KCNK4: variants seen among roughly 807,000 people sequenced by gnomAD.
The protein encoded by KCNK4 is potassium two pore domain channel subfamily K member 4.
In KCNK4, 22 loss-of-function variants were observed where a neutral mutation model predicts 28.8. That is an observed-to-expected ratio of 0.76 (90% CI 0.55 to 1.09). The LOEUF (loss-of-function observed/expected upper bound fraction) is 1.09. Ranked by LOEUF, KCNK4 falls within the 50% of genes least tolerant of loss-of-function variation. The probability of loss-of-function intolerance (pLI) is 0.00; values close to 1 mark genes in which losing one functional copy is unlikely to be tolerated. For missense variants in KCNK4, 483 were observed against 546.3 expected (o/e 0.88, Z 1.15); for synonymous variants, 263 against 252.9 (o/e 1.04, Z -0.38).
chr11:64,292,994 A>C lies in KCNK4; in HGVS notation c.-25A>C, dbSNP rs748161802. ...CCCGGCCCCTCCAGGCGGGCAGTGGAGCTGGCCCGGCGCCTGGGCGCGCCA... is the reference window on the plus strand; with the variant it reads ...CCCGGCCCCTCCAGGCGGGCAGTGGCGCTGGCCCGGCGCCTGGGCGCGCCA... On this transcript the variant is annotated 5_prime_UTR_variant, in exon 2 of 7. Coordinates refer to ENST00000422670, the MANE Select transcript of KCNK4 (RefSeq NM_033310.3). The C allele has an allele frequency of 6.6e-5, 101 of 1,528,092 alleles. No homozygotes were observed. In the African/African-American group the frequency reaches 1.2e-3, roughly 18 times the overall value. The allele number at this position is 1,528,092 out of a possible 1,614,324, so 94.7% of individuals were successfully genotyped here.
chr11:64,293,355 C>T, intron 2 of KCNK4, 148 bp downstream of exon 2: 1 of 890,172 alleles, frequency 1.1e-6, no homozygotes, highest in Non-Finnish European at 1.5e-6. Context: ...AGGCTGGGGA[C>T]CAGGTCTCTG....
intron 2 of KCNK4, 27 bp downstream of exon 2, chr11:64,293,234 A>G: frequency 2.8e-6 from 4 of 1,422,824 alleles, no homozygotes; most frequent in Non-Finnish European, 3.7e-6. Flanking sequence ...CAGCCCCTTC[A>G]GCTGTCACCC....
At position 64,296,508 on chromosome 11, in the gene KCNK4, G is replaced by C. The variant is rs114364980; in HGVS notation, c.190-370G>C. On this transcript the variant is annotated intron_variant, in intron 2 of 6. Coordinates refer to ENST00000422670, the MANE Select transcript of KCNK4 (RefSeq NM_033310.3). ...GATGCTGTCACTATCCTTCCCACTTGAGACATGCAGAAGCTGAGGCCAGAG... is the reference window on the plus strand; with the variant it reads ...GATGCTGTCACTATCCTTCCCACTTCAGACATGCAGAAGCTGAGGCCAGAG... Among the ~76,000 whole-genome samples the C allele has an allele frequency of 6.4e-3, 981 of 152,184 alleles. 10 individuals carry two copies. The highest frequency in any genetic ancestry group is 0.022 in the African/African-American group (933 of 41,516).
rs186998576 is a variant in KCNK4 at position 64,293,800 on chromosome 11, C to T, written c.189+593C>T. ...GTTTTTAGTAGAGATGGGGTTTCAC[C>T]ATGTTGGCCAGGCTGGTCTCAAACT... On this transcript the variant is annotated intron_variant, in intron 2 of 6. Transcript: ENST00000422670. Among the ~76,000 whole-genome samples, 1,479 of 152,152 alleles carry T rather than the reference C, an allele frequency of 9.7e-3. 11 individuals carry two copies. Among genetic ancestry groups the T allele is most frequent in the Non-Finnish European group, 0.014 (932 of 68,002 alleles).
Position 64,299,414 on chromosome 11 carries a change from CG to C in KCNK4, c.873del (p.Ala293ProfsTer125). ...TGACAGCGCGCGTGACCCAGCGAGC[CG>C]GGCCCGCCGCCCCGCCGCCGGAGAA... ...TVTARVTQRA[G>X]PAAPPPEKEQ... On this transcript the variant is annotated frameshift_variant, in exon 7 of 7. Coordinates refer to ENST00000422670, the MANE Select transcript of KCNK4 (RefSeq NM_033310.3). LOFTEE classifies it low-confidence loss of function (END_TRUNC). 6.3e-7 allele frequency: 1 copy of C among 1,574,896 alleles called. No individual in the cohort carries two copies. The highest frequency in any genetic ancestry group is 8.6e-7 in the Non-Finnish European group (1 of 1,163,190).
intron 2 of KCNK4, chr11:64,296,198 G>A (rs2034760630): frequency 1.3e-5 from 2 of 152,056 alleles, no homozygotes; most frequent in Non-Finnish European, 2.9e-5. Flanking sequence ...GCAGCACAGG[G>A]TTTGGCTTGG....
intron 6 of KCNK4, 99 bp from the exon 7 acceptor site, chr11:64,299,247 G>A: frequency 1.8e-6 from 2 of 1,137,044 alleles, no homozygotes; most frequent in Admixed American, 6.8e-5. Flanking sequence ...CAGAAAAGAG[G>A]GTTGGGGTTT....
intron 3 of KCNK4, 33 bp downstream of exon 3, chr11:64,297,034 A>G (rs775261511): frequency 7.0e-6 from 11 of 1,581,668 alleles, no homozygotes; most frequent in Non-Finnish European, 4.3e-6. Flanking sequence ...GGGGGGCGGC[A>G]AGGAGCTTCC....
In KCNK4 at chr11:64,299,577, G is replaced by A; in HGVS notation, c.1033G>A (p.Ala345Thr). 6.2e-7 allele frequency: 1 copy of A among 1,610,590 alleles called. No individual in the cohort carries two copies. Among genetic ancestry groups the A allele is most frequent in the Non-Finnish European group, 8.5e-7 (1 of 1,179,058 alleles). The change falls in exon 7 of 7, where the codon GCC (alanine) becomes ACC (threonine). Residue 345 changes from alanine (A) to threonine (T), a missense_variant. Physicochemically the swap from Ala to Thr is moderately conservative, Grantham distance 58 (BLOSUM62 0). Coordinates refer to ENST00000422670, the MANE Select transcript of KCNK4 (RefSeq NM_033310.3). The part of the protein sequence containing the change: ...SALDYPSENL[A>T]FIDESSDTQS... ...CCTGGATTATCCCAGCGAGAACCTGGCCTTCATCGACGAGTCCTCGGATAC... is the reference window on the plus strand; with the variant it reads ...CCTGGATTATCCCAGCGAGAACCTGACCTTCATCGACGAGTCCTCGGATAC...
intron 3 of KCNK4, 24 bp downstream of exon 3, chr11:64,297,025 G>C: frequency 6.3e-7 from 1 of 1,575,532 alleles, no homozygotes; most frequent in Non-Finnish European, 8.6e-7. Context: ...TTGGCATGTG[G>C]GGGGCGGCAA....
chr11:64,299,254 G>A (rs1002963449), intron 6 of KCNK4, 92 bp from the exon 7 acceptor site: 11 of 1,219,126 alleles, frequency 9.0e-6, no homozygotes, highest in South Asian at 8.4e-5. Context: ...GAGGGTTGGG[G>A]TTTGATCCCT....
intron 5 of KCNK4, 151 bp from the exon 6 acceptor site, chr11:64,297,959 A>C: frequency 1.0e-6 from 1 of 960,402 alleles, no homozygotes; most frequent in South Asian, 1.7e-5. Flanking sequence ...CACACCACTC[A>C]TTTTCCTGCC....
rs745387431 is a variant in KCNK4, at chr11:64,297,467, A to G, written c.475A>G (p.Lys159Glu). The G allele has an allele frequency of 1.2e-6, 2 of 1,614,006 alleles. No homozygotes were observed. The highest frequency in any genetic ancestry group is 1.7e-5 in the Admixed American group (1 of 60,006). ...TCCTGCCTACTGCCCCATCCCGCAG[A>G]AGTGGCACGTGCCACCGGAGCTAGT... is the stretch of plus-strand genomic sequence containing the variant. ...GIGHIEAIFL[K>E]WHVPPELVRV... is the part of the protein sequence containing the mutation. Residue 159 changes from lysine to glutamate, a missense_variant and splice_region_variant, in exon 5 of 7, where the codon AAG becomes GAG. Coordinates refer to ENST00000422670, the MANE Select transcript of KCNK4 (RefSeq NM_033310.3).
intron 2 of KCNK4, among the ~76,000 whole-genome samples, chr11:64,295,860 T>C (rs2034752720): frequency 6.6e-6 from 1 of 152,060 alleles, no homozygotes; most frequent in African/African-American, 2.4e-5. Flanking sequence ...TGCTTTATGA[T>C]ACGCCCCACA....
At chr11:64,299,044 A>AAAG in intron 6 of KCNK4, among the ~76,000 whole-genome samples, 2 of 129,288 alleles carry the variant, frequency 1.5e-5, no homozygotes, top group Non-Finnish European at 1.6e-5. Flanking sequence ...TGTCTCAAAA[A>AAAG]AAGAAGAAAA....
intron 2 of KCNK4, among the ~76,000 whole-genome samples, chr11:64,295,758 G>C (rs1002571486): frequency 1.3e-5 from 2 of 152,068 alleles, no homozygotes; most frequent in African/African-American, 4.8e-5. Context: ...TGCAAGGAGT[G>C]GGGAGCCATG....
intron 1 of KCNK4, chr11:64,292,610 C>A (rs765814502): frequency 1.9e-4 from 30 of 158,720 alleles, no homozygotes; most frequent in Non-Finnish European, 3.2e-4. Flanking sequence ...GCTCCCCGCA[C>A]CCCCACCAAG....
rs776356180 is a variant in KCNK4, at chr11:64,299,592, T to A, written c.1048T>A (p.Ser350Thr). The change falls in exon 7 of 7, where the codon TCC becomes ACC. Residue 350 changes from serine (S) to threonine (T), a missense_variant. Physicochemically the swap from Ser to Thr is moderately conservative, Grantham distance 58 (BLOSUM62 1). Coordinates refer to ENST00000422670, the MANE Select transcript of KCNK4 (RefSeq NM_033310.3). ...CGAGAACCTGGCCTTCATCGACGAGTCCTCGGATACGCAGAGCGAGCGCGG... is the reference window on the plus strand; with the variant it reads ...CGAGAACCTGGCCTTCATCGACGAGACCTCGGATACGCAGAGCGAGCGCGG... ...PSENLAFIDESSDTQSERGCP... is the reference protein window; with the variant it reads ...PSENLAFIDETSDTQSERGCP... 1.9e-6 allele frequency: 3 copies of A among 1,609,444 alleles called. No individual in the cohort carries two copies. Among genetic ancestry groups the A allele is most frequent in the Non-Finnish European group, 2.5e-6 (3 of 1,178,752 alleles).
intron 2 of KCNK4, among the ~76,000 whole-genome samples, chr11:64,295,300 G>A (rs776441732): frequency 2.4e-4 from 36 of 152,276 alleles, no homozygotes; most frequent in Non-Finnish European, 4.1e-4. Context: ...AGATGTCAGG[G>A]GCCTGAGGGA....
Sources: gnomAD v4.1 joint callset for allele counts (sites outside exome capture counted in the v4.1 genomes callset) on GRCh38, gnomAD v4.1.1 for gene constraint, MANE v1.5 for transcripts, NCBI Gene and HGNC (gene_info 2026-07-23, HGNC 2026-07-21) for gene names.